Variants in ZNF865 observed in about 807,000 individuals in gnomAD.
ZNF865 encodes the protein zinc finger protein 865.
For synonymous variants in ZNF865, 763 were observed against 750.8 expected, an observed-to-expected ratio of 1.02 and a Z score of -0.27; for missense variants, 1,311 against 1,593.4, an observed-to-expected ratio of 0.82 and a Z score of 3.02.
chr19:55,614,540 G>GCCCC lies in ZNF865; in HGVS notation c.924_927dup (p.Ser310ProfsTer261). ...CGCTGCCAGCGCCGCCACCGCCGCCGCCCCCTCCACGGTGTCCTCGGGCCC... is the reference window on the plus strand; with the variant it reads ...CGCTGCCAGCGCCGCCACCGCCGCCGCCCCCCCCCTCCACGGTGTCCTCGGGCCC... On this transcript the variant is annotated frameshift_variant, in exon 2 of 2. Transcript: ENST00000568956. LOFTEE classifies it low-confidence loss of function (END_TRUNC). The surrounding 1 kb of genome is among the most constrained non-coding windows in gnomAD (Gnocchi z 8.0). 1 of 1,369,780 alleles carries GCCCC rather than the reference G, an allele frequency of 7.3e-7. No homozygotes were observed. 84.9% of individuals were successfully genotyped at this position (1,369,780 alleles called of 1,614,324 possible).
In ZNF865 at chr19:55,613,930, T is replaced by TTCGTCCTCC; in HGVS notation, c.318_326dup (p.Ser115_Ser117dup). 1 of 1,528,376 alleles carries TTCGTCCTCC rather than the reference T, an allele frequency of 6.5e-7. No individual in the cohort carries two copies. Among genetic ancestry groups the TTCGTCCTCC allele is most frequent in the Non-Finnish European group, 8.8e-7 (1 of 1,141,400 alleles). The allele number at this position is 1,528,376 out of a possible 1,614,324, so 94.7% of individuals were successfully genotyped here. ...CGTCCTCGTCCTCCTCCTCCTCCTC[T>TTCGTCCTCC]TCGTCCTCCTCGTCGTCATCTTCGT... On this transcript the variant is annotated inframe_insertion, in exon 2 of 2. Transcript: ENST00000568956.
chr19:55,613,498 C>T (rs1981210967), intron 1 of ZNF865, 95 bp from the exon 2 acceptor site: 1 of 1,177,906 alleles, frequency 8.5e-7, no homozygotes, highest in East Asian at 2.7e-5. Context: ...GGGGGTGATC[C>T]GCACAAGGAT....
rs1409157442 is a variant in ZNF865 at position 55,614,737 on chromosome 19, G to A, written c.1119G>A (p.Thr373=). The A allele has an allele frequency of 1.3e-6, 2 of 1,586,310 alleles. No individual in the cohort carries two copies. The change falls in exon 2 of 2, where the codon ACG becomes ACA. Residue 373 remains threonine (T), a synonymous_variant. Coordinates refer to ENST00000568956, the MANE Select transcript of ZNF865 (RefSeq NM_001195605.2). This position sits in a 1 kb window ranked among gnomAD's most constrained non-coding sequence, Gnocchi z 8.0. ...SHLHQHQIIH[T]GEKPFSCSVC... ...TCCACCAGCACCAGATCATCCACACGGGCGAGAAGCCCTTCTCCTGCTCCG... is the reference window on the plus strand; with the variant it reads ...TCCACCAGCACCAGATCATCCACACAGGCGAGAAGCCCTTCTCCTGCTCCG...
chr19:55,606,264 A>G (rs1980937633), intron 1 of ZNF865, among the ~76,000 whole-genome samples: 1 of 151,888 alleles, frequency 6.6e-6, no homozygotes, highest in Non-Finnish European at 1.5e-5. Flanking sequence ...GTGGGTGTGA[A>G]AATACTTTCT....
Position 55,615,499 on chromosome 19 carries a change from G to T in ZNF865, c.1881G>T (p.Val627=). Residue 627 remains valine (V), a synonymous_variant, in exon 2 of 2, where the codon GTG becomes GTT. Coordinates refer to ENST00000568956, the MANE Select transcript of ZNF865 (RefSeq NM_001195605.2). ...YPQSLTRHRQ[V]HRLQLPCALA... ...AGAGCCTCACCCGCCACCGCCAGGT[G>T]CACCGGCTCCAGCTGCCCTGCGCCC... 1 of 1,510,010 alleles carries T rather than the reference G, an allele frequency of 6.6e-7. No individual in the cohort carries two copies. Among genetic ancestry groups the T allele is most frequent in the Non-Finnish European group, 8.8e-7 (1 of 1,134,648 alleles). The allele number at this position is 1,510,010 out of a possible 1,614,324, so 93.5% of individuals were successfully genotyped here.
rs1462240313 is a variant in ZNF865, at chr19:55,615,180, C to G, written c.1562C>G (p.Pro521Arg). Residue 521 changes from proline (P) to arginine (R), a missense_variant, in exon 2 of 2, where the codon CCG (proline) becomes CGG (arginine). Coordinates refer to ENST00000568956, the MANE Select transcript of ZNF865 (RefSeq NM_001195605.2). ...AAVVYGAVPVPLLGAHPLLLG... is the reference protein window; with the variant it reads ...AAVVYGAVPVRLLGAHPLLLG... ...GTGGTGTACGGCGCTGTGCCCGTCC[C>G]GCTCCTGGGCGCCCACCCGCTGCTG... The G allele has an allele frequency of 2.2e-6, 3 of 1,389,808 alleles. No homozygotes were observed. Among genetic ancestry groups the G allele is most frequent in the Non-Finnish European group, 1.8e-6 (2 of 1,083,040 alleles). 86.1% of individuals were successfully genotyped at this position (1,389,808 alleles called of 1,614,324 possible). A position where few individuals can be genotyped will look rare whatever the true frequency, so the allele number is the denominator to read the frequency against.
In ZNF865 at chr19:55,616,885, C is replaced by T; in HGVS notation, c.*87C>T. On this transcript the variant is annotated 3_prime_UTR_variant, in exon 2 of 2. Transcript: ENST00000568956. ...TGATCAGACTCTTCCCCCCTCCTCG[C>T]TGTTGCCCCATCCTTCAGAACTTCA... 7.5e-7 allele frequency: 1 copy of T among 1,338,984 alleles called. No homozygotes were observed. Among genetic ancestry groups the T allele is most frequent in the East Asian group, 2.8e-5 (1 of 35,814 alleles). 82.9% of individuals were successfully genotyped at this position (1,338,984 alleles called of 1,614,324 possible). A position where few individuals can be genotyped will look rare whatever the true frequency, so the allele number is the denominator to read the frequency against.
chr19:55,614,458 C>G lies in ZNF865; in HGVS notation c.840C>G (p.Ala280=), dbSNP rs1208701003. The G allele has an allele frequency of 2.1e-6, 3 of 1,419,228 alleles. No homozygotes were observed. In the African/African-American group the frequency reaches 4.5e-5, roughly 21 times the overall value. The allele number at this position is 1,419,228 out of a possible 1,614,324, so 87.9% of individuals were successfully genotyped here. Residue 280 remains alanine (A), a synonymous_variant, in exon 2 of 2, where the codon GCC becomes GCG. Coordinates refer to ENST00000568956, the MANE Select transcript of ZNF865 (RefSeq NM_001195605.2). This position sits in a 1 kb window ranked among gnomAD's most constrained non-coding sequence, Gnocchi z 8.0. The part of the protein sequence containing the change: ...HRRCHKDVPP[A]AGGPPQPGPH... ...GCTGCCACAAGGACGTGCCACCGGC[C>G]GCGGGGGGCCCGCCCCAGCCCGGCC...
In ZNF865 at chr19:55,611,103, C is replaced by G. The variant is rs552051480; in HGVS notation, c.-26-2490C>G. Among the ~76,000 whole-genome samples, 10 of 152,202 alleles carry G rather than the reference C, an allele frequency of 6.6e-5. No homozygotes were observed. Among genetic ancestry groups the G allele is most frequent in the Non-Finnish European group, 1.5e-4 (10 of 68,036 alleles). On this transcript the variant is annotated intron_variant, in intron 1 of 1. Coordinates refer to ENST00000568956, the MANE Select transcript of ZNF865 (RefSeq NM_001195605.2). The surrounding 1 kb of genome is among the most constrained non-coding windows in gnomAD (Gnocchi z 4.5). ...TGGGGTTCAAGCCCATTGATCCAGA[C>G]TCCTACTCCGTGACCATGGCAACTC...
chr19:55,616,022 A>G lies in ZNF865; in HGVS notation c.2404A>G (p.Lys802Glu). 1 of 1,526,318 alleles carries G rather than the reference A, an allele frequency of 6.6e-7. No homozygotes were observed. The highest frequency in any genetic ancestry group is 8.8e-7 in the Non-Finnish European group (1 of 1,142,852). 94.5% of individuals were successfully genotyped at this position (1,526,318 alleles called of 1,614,324 possible). A position where few individuals can be genotyped will look rare whatever the true frequency, so the allele number is the denominator to read the frequency against. Residue 802 changes from lysine (K) to glutamate (E), a missense_variant, in exon 2 of 2, where the codon AAG becomes GAG. Transcript: ENST00000568956. ...FSCATCGQSF[K>E]HFLGLVTHKY... is the part of the protein sequence containing the mutation. ...CTGTGCCACGTGCGGCCAGAGTTTCAAGCACTTCCTGGGCCTCGTGACTCA... is the reference window on the plus strand; with the variant it reads ...CTGTGCCACGTGCGGCCAGAGTTTCGAGCACTTCCTGGGCCTCGTGACTCA...
rs927728998 is a variant in ZNF865, at chr19:55,611,674, A to G, written c.-26-1919A>G. 6.6e-6 allele frequency among the ~76,000 whole-genome samples: 1 copy of G among 152,082 alleles called. No homozygotes were observed. Among genetic ancestry groups the G allele is most frequent in the African/African-American group, 2.4e-5 (1 of 41,408 alleles). ...GTGGGAGGAGAGAGCAGCCCGATGG[A>G]TAGAGGATAAAGGGTCCAGGCCTTG... On this transcript the variant is annotated intron_variant, in intron 1 of 1. Coordinates refer to ENST00000568956, the MANE Select transcript of ZNF865 (RefSeq NM_001195605.2). The surrounding 1 kb of genome is among the most constrained non-coding windows in gnomAD (Gnocchi z 4.5).
Position 55,614,986 on chromosome 19 carries a change from G to A in ZNF865, c.1368G>A (p.Leu456=). 7.1e-7 allele frequency: 1 copy of A among 1,416,694 alleles called. No homozygotes were observed. Among genetic ancestry groups the A allele is most frequent in the Non-Finnish European group, 9.2e-7 (1 of 1,092,678 alleles). 87.8% of individuals were successfully genotyped at this position (1,416,694 alleles called of 1,614,324 possible). ...AGTCCTACTCGGCTCCGCAGAGCCTGCTCCGCCACAAGGCCGCCCACGCCC... is the reference window on the plus strand; with the variant it reads ...AGTCCTACTCGGCTCCGCAGAGCCTACTCCGCCACAAGGCCGCCCACGCCC... The part of the protein sequence containing the change: ...CGKSYSAPQS[L]LRHKAAHAPP... Residue 456 remains leucine (L), a synonymous_variant, in exon 2 of 2, where the codon CTG becomes CTA. Coordinates refer to ENST00000568956, the MANE Select transcript of ZNF865 (RefSeq NM_001195605.2). This position sits in a 1 kb window ranked among gnomAD's most constrained non-coding sequence, Gnocchi z 8.0.
rs1268270690 is a variant in ZNF865 at position 55,613,571 on chromosome 19, AGCC to A, written c.-26-21_-26-19del. On this transcript the variant is annotated intron_variant, in intron 1 of 1. Coordinates refer to ENST00000568956, the MANE Select transcript of ZNF865 (RefSeq NM_001195605.2). ...GACCCAGCGCCGCGGCCGTGTCCTC[AGCC>A]CCGTCCTCCTCTTCACAGGGTCTCC... The A allele has an allele frequency of 6.8e-7, 1 of 1,470,736 alleles. No homozygotes were observed. The allele number at this position is 1,470,736 out of a possible 1,614,324, so 91.1% of individuals were successfully genotyped here. A position where few individuals can be genotyped will look rare whatever the true frequency, so the allele number is the denominator to read the frequency against.
Position 55,611,974 on chromosome 19 carries a change from G to A in ZNF865, c.-26-1619G>A, listed in dbSNP as rs1981153005. The stretch of plus-strand genomic sequence containing the variant: ...AAAGGAGGTGCCAGAGAATGATGCC[G>A]GGGGTGGAGGGTCAGGAGAAGCCCC... On this transcript the variant is annotated intron_variant, in intron 1 of 1. Coordinates refer to ENST00000568956, the MANE Select transcript of ZNF865 (RefSeq NM_001195605.2). The surrounding 1 kb of genome is among the most constrained non-coding windows in gnomAD (Gnocchi z 4.5). Among the ~76,000 whole-genome samples the A allele has an allele frequency of 6.6e-6, 1 of 152,254 alleles. No individual in the cohort carries two copies. The highest frequency in any genetic ancestry group is 1.9e-4 in the East Asian group (1 of 5,176).
At chr19:55,610,894 G>A (rs73934390) in intron 1 of ZNF865, among the ~76,000 whole-genome samples, 27 of 152,252 alleles carry the variant, frequency 1.8e-4, no homozygotes, top group African/African-American at 5.1e-4. Context: ...GAAATCTGGC[G>A]AAGAACACTG....
Position 55,615,853 on chromosome 19 carries a change from G to C in ZNF865, c.2235G>C (p.Ala745=). The C allele has an allele frequency of 6.7e-7, 1 of 1,493,910 alleles. No homozygotes were observed. The highest frequency in any genetic ancestry group is 1.3e-5 in the South Asian group (1 of 78,000). The allele number at this position is 1,493,910 out of a possible 1,614,324, so 92.5% of individuals were successfully genotyped here. A position where few individuals can be genotyped will look rare whatever the true frequency, so the allele number is the denominator to read the frequency against. The change falls in exon 2 of 2, where the codon GCG becomes GCC. Residue 745 remains alanine (A), a synonymous_variant. Transcript: ENST00000568956. ...CGGACGGCTCCAGCGGCACGGATGCGGCCAGCGTGCTGGACAACGGGCTGG... is the reference window on the plus strand; with the variant it reads ...CGGACGGCTCCAGCGGCACGGATGCCGCCAGCGTGCTGGACAACGGGCTGG... The part of the protein sequence containing the change: ...QPPDGSSGTD[A]ASVLDNGLAG...
rs1037209252 is a variant in ZNF865, at chr19:55,611,639, C to A, written c.-26-1954C>A. ...GGGGTGGGGGTGGAAGAGACACTCA[C>A]CCCTCACCTGTGGGAGGAGAGAGCA... On this transcript the variant is annotated intron_variant, in intron 1 of 1. Transcript: ENST00000568956. This position sits in a 1 kb window ranked among gnomAD's most constrained non-coding sequence, Gnocchi z 4.5. Among the ~76,000 whole-genome samples, 1 of 152,132 alleles carries A rather than the reference C, an allele frequency of 6.6e-6. No homozygotes were observed. Among genetic ancestry groups the A allele is most frequent in the African/African-American group, 2.4e-5 (1 of 41,416 alleles).
intron 1 of ZNF865, 83 bp from the exon 2 acceptor site, chr19:55,613,510 G>A: frequency 7.9e-7 from 1 of 1,259,872 alleles, no homozygotes; most frequent in Non-Finnish European, 1.1e-6. Context: ...CACAAGGATG[G>A]ATGAGTGGGC....
chr19:55,613,842 C>T lies in ZNF865; in HGVS notation c.224C>T (p.Pro75Leu), dbSNP rs1223416701. Residue 75 changes from proline to leucine, a missense_variant, in exon 2 of 2, where the codon CCG becomes CTG. Coordinates refer to ENST00000568956, the MANE Select transcript of ZNF865 (RefSeq NM_001195605.2). ...PPQPPPQPPP[P>L]QYDYPPQSTF... Reference sequence around the variant, plus strand: ...CAGCCCCCGCCGCAGCCCCCTCCCCCGCAGTATGACTACCCGCCCCAGTCC... The same window carrying T: ...CAGCCCCCGCCGCAGCCCCCTCCCCTGCAGTATGACTACCCGCCCCAGTCC... 2.0e-6 allele frequency: 3 copies of T among 1,499,746 alleles called. No homozygotes were observed. The highest frequency in any genetic ancestry group is 8.9e-7 in the Non-Finnish European group (1 of 1,120,014). The allele number at this position is 1,499,746 out of a possible 1,614,324, so 92.9% of individuals were successfully genotyped here. A position where few individuals can be genotyped will look rare whatever the true frequency, so the allele number is the denominator to read the frequency against.
Sources: gnomAD v4.1 joint callset for allele counts (sites outside exome capture counted in the v4.1 genomes callset) on GRCh38, gnomAD v4.1.1 for gene constraint, Gnocchi (gnomAD v3.1) non-coding constraint, MANE v1.5 for transcripts, NCBI Gene and HGNC (gene_info 2026-07-23, HGNC 2026-07-21) for gene names.